Variants in SDK1 observed in about 807,000 individuals in gnomAD.
The protein encoded by SDK1 is protein sidekick-1.
Under a neutral mutation model 245.5 loss-of-function variants are expected in SDK1, and 157 were observed. The ratio of observed to expected loss-of-function variants is 0.64; its 90% CI spans 0.56 to 0.73. SDK1 has a LOEUF of 0.73. SDK1 is among the 30% of genes least tolerant of loss of function. The pLI is 0.00. For synonymous variants in SDK1, 1,647 were observed against 1,278.5 expected (o/e 1.29, Z -6.15); for missense variants, 3,583 against 3,002.3 (o/e 1.19, Z -4.52).
At chr7:3,346,524 T>C (rs1251641431) in intron 1 of SDK1, among the ~76,000 whole-genome samples, 1 of 151,848 alleles carries the variant, frequency 6.6e-6, no homozygotes, top group Non-Finnish European at 1.5e-5. Flanking sequence ...TATTTTTAAT[T>C]TTTTTAATAG....
intron 14 of SDK1, among the ~76,000 whole-genome samples, chr7:3,994,009 A>C (rs1170865481): frequency 6.6e-6 from 1 of 151,052 alleles, no homozygotes; most frequent in Non-Finnish European, 1.5e-5. Context: ...CTTCCTTCTT[A>C]TTTTCTCCTC....
chr7:3,656,202 C>A (rs1323941322), intron 4 of SDK1, among the ~76,000 whole-genome samples: 1 of 152,178 alleles, frequency 6.6e-6, no homozygotes, highest in Non-Finnish European at 1.5e-5. Context: ...TCCATCCTTC[C>A]CTTCTCCTTT....
intron 19 of SDK1, among the ~76,000 whole-genome samples, chr7:4,065,707 T>TG (rs1779849374): frequency 1.2e-5 from 1 of 81,874 alleles, no homozygotes; most frequent in Non-Finnish European, 2.1e-5. Flanking sequence ...TTTTTTTTTT[T>TG]TTTTTTTTTT....
At chr7:4,108,509 T>C (rs1158803096) in intron 22 of SDK1, among the ~76,000 whole-genome samples, 2 of 152,088 alleles carry the variant, frequency 1.3e-5, no homozygotes, top group East Asian at 3.9e-4. Flanking sequence ...CTTGCCCCCT[T>C]TGCCTCTGGC....
At chr7:3,778,142 T>G (rs545259221) in intron 4 of SDK1, among the ~76,000 whole-genome samples, 1 of 152,362 alleles carries the variant, frequency 6.6e-6, no homozygotes, top group African/African-American at 2.4e-5. Context: ...TCCCATCTTG[T>G]AGCAACCAGT....
chr7:4,007,572 G>A (rs1785583515), intron 14 of SDK1, among the ~76,000 whole-genome samples: 1 of 151,974 alleles, frequency 6.6e-6, no homozygotes, highest in Admixed American at 6.6e-5. Flanking sequence ...GAGTCTTGGG[G>A]GTTATATATT....
At chr7:3,583,899 C>G (rs1256142401) in intron 1 of SDK1, among the ~76,000 whole-genome samples, 5 of 152,046 alleles carry the variant, frequency 3.3e-5, no homozygotes, top group Admixed American at 3.3e-4. Flanking sequence ...TTGTGGAGCA[C>G]AGAGAGGCCT....
rs567735492 is a variant in SDK1 at position 3,745,349 on chromosome 7, G to A, written c.714-76101G>A. ...TTTGCCACTACTATTTTGAAATGTA[G>A]ACTCACAAGAAGTTGTAAAAATAAT... is the stretch of plus-strand genomic sequence containing the variant. On this transcript the variant is annotated intron_variant, in intron 4 of 44. Transcript: ENST00000404826. Among the ~76,000 whole-genome samples, 5 of 152,234 alleles carry A rather than the reference G, an allele frequency of 3.3e-5. No homozygotes were observed. In the South Asian group the frequency reaches 8.3e-4, roughly 25 times the overall value.
At position 3,341,447 on chromosome 7, in the gene SDK1, C is replaced by G. The variant is rs1346922393; in HGVS notation, c.298+39563C>G. 3.9e-5 allele frequency among the ~76,000 whole-genome samples: 6 copies of G among 152,092 alleles called. No individual in the cohort carries two copies. In the South Asian group the frequency reaches 1.0e-3, roughly 26 times the overall value. On this transcript the variant is annotated intron_variant, in intron 1 of 44. Transcript: ENST00000404826. ...CTTTCCTCTCAGGTTGGGAACAAGGCCAGGATGTTCAGTCTTACCTTTGCT... is the reference window on the plus strand; with the variant it reads ...CTTTCCTCTCAGGTTGGGAACAAGGGCAGGATGTTCAGTCTTACCTTTGCT...
chr7:3,402,996 G>T (rs1778930106), intron 1 of SDK1, among the ~76,000 whole-genome samples: 1 of 152,012 alleles, frequency 6.6e-6, no homozygotes, highest in Non-Finnish European at 1.5e-5. Flanking sequence ...GTGCAGTGGT[G>T]CTATCTCGGC....
chr7:3,694,354 T>G (rs748628039), intron 4 of SDK1, among the ~76,000 whole-genome samples: 6 of 152,044 alleles, frequency 3.9e-5, no homozygotes, highest in African/African-American at 9.7e-5. Context: ...TCATGCAGGT[T>G]TCATTTAGCT....
chr7:3,366,532 T>C (rs1781096370), intron 1 of SDK1, among the ~76,000 whole-genome samples: 1 of 152,180 alleles, frequency 6.6e-6, no homozygotes, highest in Non-Finnish European at 1.5e-5. Context: ...CAACAGTGTT[T>C]GTGACGTTCA....
At chr7:3,303,708 G>A (rs1779341976) in intron 1 of SDK1, among the ~76,000 whole-genome samples, 1 of 152,072 alleles carries the variant, frequency 6.6e-6, no homozygotes, top group Non-Finnish European at 1.5e-5. Flanking sequence ...GTTCATTGAC[G>A]GGTTTCTGTT....
At chr7:3,536,015 A>G (rs570778762) in intron 1 of SDK1, among the ~76,000 whole-genome samples, 30 of 152,010 alleles carry the variant, frequency 2.0e-4, no homozygotes, top group African/African-American at 7.2e-4. Flanking sequence ...ATCTTTTTTT[A>G]AAATCTAATT....
chr7:3,575,702 T>A (rs10277776), intron 1 of SDK1, among the ~76,000 whole-genome samples: 1 of 151,994 alleles, frequency 6.6e-6, no homozygotes, highest in Non-Finnish European at 1.5e-5. Flanking sequence ...GATCAACTTA[T>A]AAAGAGCATT....
chr7:4,197,034 A>G (rs548851380), intron 35 of SDK1, among the ~76,000 whole-genome samples: 5 of 152,352 alleles, frequency 3.3e-5, no homozygotes, highest in African/African-American at 1.2e-4. Context: ...TTAAACAGAA[A>G]TAATGGGAGT....
intron 4 of SDK1, among the ~76,000 whole-genome samples, chr7:3,743,413 C>T (rs748819248): frequency 2.0e-5 from 3 of 152,144 alleles, no homozygotes; most frequent in Non-Finnish European, 4.4e-5. Flanking sequence ...CCTCTTTTCT[C>T]ATGTAGGCTT....
chr7:3,466,058 A>T (rs976257115), intron 1 of SDK1, among the ~76,000 whole-genome samples: 3 of 152,002 alleles, frequency 2.0e-5, no homozygotes, highest in African/African-American at 7.2e-5. Context: ...CAGATGGGCA[A>T]CTCAGCTAGG....
chr7:3,825,989 T>C (rs13221982), intron 5 of SDK1, among the ~76,000 whole-genome samples: 18,158 of 152,266 alleles, frequency 0.12, 1,784 homozygotes, highest in African/African-American at 0.27. Flanking sequence ...TATGACACTT[T>C]ACTGCCAGAA....
Sources: gnomAD v4.1 joint callset for allele counts (sites outside exome capture counted in the v4.1 genomes callset) on GRCh38, gnomAD v4.1.1 for gene constraint, MANE v1.5 for transcripts, NCBI Gene and HGNC (gene_info 2026-07-23, HGNC 2026-07-21) for gene names.